The following MYH7B variants were observed in gnomAD, a reference collection of about 807,000 sequenced individuals.
MYH7B encodes the protein myosin heavy chain 7B, also known as myosin-7B.
In MYH7B, 205 loss-of-function variants were observed where a neutral mutation model predicts 234.5. That is an observed-to-expected ratio of 0.87 (90% confidence interval 0.78 to 0.98). MYH7B has a LOEUF of 0.98. Among genes scored for constraint, MYH7B ranks in the 50% least tolerant of loss-of-function variants. MYH7B has a pLI of 0.00. For synonymous variants in MYH7B, 1,193 were observed against 1,105.0 expected (o/e 1.08, Z -1.58); for missense variants, 2,652 against 2,633.4 (o/e 1.01, Z -0.15).
Position 35,001,346 on chromosome 20 carries a change from C to T in MYH7B, c.5577C>T (p.Tyr1859=). 3 of 1,607,322 alleles carry T rather than the reference C, an allele frequency of 1.9e-6. No homozygotes were observed. Among genetic ancestry groups the T allele is most frequent in the Non-Finnish European group, 2.5e-6 (3 of 1,177,202 alleles). The change falls in exon 42 of 45, where the codon TAC becomes TAT. Residue 1859 remains tyrosine (Y), a synonymous_variant. Transcript: ENST00000262873. ...AGCGCCGTGTCAAGGAGCTCGCATA[C>T]CAGGTGGGCGACAGGGTCTCCCTGG...
chr20:34,960,274 A>T (rs573887313), intron 2 of MYH7B, among the ~76,000 whole-genome samples: 2 of 152,000 alleles, frequency 1.3e-5, no homozygotes, highest in Admixed American at 6.6e-5. Flanking sequence ...CTTGCTTTGT[A>T]GCCCAGGCTA....
intron 24 of MYH7B, 33 bp from the exon 25 acceptor site, chr20:34,993,069 C>G: frequency 6.3e-7 from 1 of 1,597,892 alleles, no homozygotes; most frequent in Non-Finnish European, 8.6e-7. Flanking sequence ...CATACCCAGC[C>G]CTCTCCTGAC....
chr20:34,986,154 A>T, exon 14 of MYH7B: 1 of 1,600,322 alleles, frequency 6.2e-7, no homozygotes, highest in Non-Finnish European at 8.5e-7. Context: ...CGCAGCTACC[A>T]TGTCTACTAC....
exon 23 of MYH7B, chr20:34,990,782 C>G (rs2082131995): frequency 1.2e-6 from 2 of 1,614,052 alleles, no homozygotes; most frequent in African/African-American, 2.7e-5. Context: ...CCACACAGCC[C>G]CACTTCGTCC....
chr20:34,993,183 G>C lies in MYH7B; in HGVS notation c.2265G>C (p.Ser755=), dbSNP rs372691240. Residue 755 remains serine, a synonymous_variant, in exon 25 of 45, where the codon TCG becomes TCC. Transcript: ENST00000262873. ...AGGCCACAGAGAAACTGCTGGGCTCGCTGGACTTGGATCACACCCAGTACC... is the reference window on the plus strand; with the variant it reads ...AGGCCACAGAGAAACTGCTGGGCTCCCTGGACTTGGATCACACCCAGTACC... 1.9e-6 allele frequency: 3 copies of C among 1,613,882 alleles called. No individual in the cohort carries two copies. The African/African-American group carries it at 4.0e-5, about 22-fold the overall frequency.
At chr20:34,986,522 T>C (rs1343125264) in intron 14 of MYH7B, among the ~76,000 whole-genome samples, 1 of 152,214 alleles carries the variant, frequency 6.6e-6, no homozygotes, top group Non-Finnish European at 1.5e-5. Context: ...GCAAGCCCGT[T>C]GAGGGCAGAG....
chr20:34,959,751 A>G (rs2081675055), intron 2 of MYH7B, among the ~76,000 whole-genome samples: 1 of 152,142 alleles, frequency 6.6e-6, no homozygotes. Context: ...TGCTGGGATT[A>G]CAGGTGTGAG....
Position 34,998,905 on chromosome 20 carries a change from G to T in MYH7B, c.4180G>T (p.Glu1394Ter), listed in dbSNP as rs780347774. Residue 1394 changes from glutamate to a stop codon, truncating the protein, a stop_gained, in exon 35 of 45, where the codon GAG becomes TAG. Transcript: ENST00000262873. LOFTEE classifies it high-confidence loss of function. Reference sequence around the variant, plus strand: ...TGCCATCCAGAGGACCGAGGAGCTGGAGGAGGCCAAGTGAGTGCTTTGCTG... The same window carrying T: ...TGCCATCCAGAGGACCGAGGAGCTGTAGGAGGCCAAGTGAGTGCTTTGCTG... 6.2e-7 allele frequency: 1 copy of T among 1,612,234 alleles called. No individual in the cohort carries two copies. The highest frequency in any genetic ancestry group is 1.3e-5 in the African/African-American group (1 of 74,948).
In MYH7B at chr20:35,000,824, CG is replaced by C; in HGVS notation, c.5239del (p.Glu1747ArgfsTer25). The C allele has an allele frequency of 6.2e-7, 1 of 1,613,606 alleles. No individual in the cohort carries two copies. Among genetic ancestry groups the C allele is most frequent in the Non-Finnish European group, 8.5e-7 (1 of 1,179,870 alleles). Reference sequence around the variant, plus strand: ...TGGAGGCGGACTTGGCCCAGCTGAGCGGGGAGGTGGAGGAGGCTGCACAGGA... The same window carrying C: ...TGGAGGCGGACTTGGCCCAGCTGAGCGGGAGGTGGAGGAGGCTGCACAGGA... On this transcript the variant is annotated frameshift_variant, in exon 40 of 45. Coordinates refer to ENST00000262873, the Ensembl canonical transcript of MYH7B. LOFTEE classifies it high-confidence loss of function.
At chr20:34,989,950 C>T in intron 20 of MYH7B, 31 bp downstream of exon 20, 1 of 1,612,710 alleles carries the variant, frequency 6.2e-7, no homozygotes, top group Non-Finnish European at 8.5e-7. Flanking sequence ...CAGCCCTCGG[C>T]CAGGCTCCTC....
rs1372490303 is a variant in MYH7B at position 34,979,727 on chromosome 20, A to G, written c.265A>G (p.Met89Val). 8 of 1,614,040 alleles carry G rather than the reference A, an allele frequency of 5.0e-6. No homozygotes were observed. Among genetic ancestry groups the G allele is most frequent in the Non-Finnish European group, 6.8e-6 (8 of 1,180,028 alleles). ...GCCTCGCTTCGACTTACTGGAGGACATGGCCATGATGACGCACCTGAACGA... is the reference window on the plus strand; with the variant it reads ...GCCTCGCTTCGACTTACTGGAGGACGTGGCCATGATGACGCACCTGAACGA... The change falls in exon 7 of 45, where the codon ATG becomes GTG. Residue 89 changes from methionine to valine, a missense_variant. Met to Val is a conservative substitution (Grantham distance 21, BLOSUM62 1). Transcript: ENST00000262873.
intron 23 of MYH7B, 72 bp downstream of exon 23, chr20:34,990,897 G>A: frequency 6.3e-7 from 1 of 1,584,264 alleles, no homozygotes; most frequent in Non-Finnish European, 8.7e-7. Flanking sequence ...AGGCCGGGAG[G>A]CTGAGTACAT....
intron 2 of MYH7B, among the ~76,000 whole-genome samples, chr20:34,969,701 G>A (rs934809351): frequency 1.3e-5 from 2 of 151,940 alleles, no homozygotes; most frequent in African/African-American, 4.8e-5. Flanking sequence ...CTGCCACCAT[G>A]CCCAGCTAGT....
exon 41 of MYH7B, chr20:35,001,023 G>A: frequency 6.2e-7 from 1 of 1,613,884 alleles, no homozygotes; most frequent in South Asian, 1.1e-5. Context: ...AGAAGGAGCA[G>A]GACACAAGTG....
exon 41 of MYH7B, chr20:35,001,036 C>T (rs1294849290): frequency 1.9e-6 from 3 of 1,613,856 alleles, no homozygotes. Context: ...CACAAGTGCA[C>T]ACCTGGAACG....
chr20:34,957,775 C>G (rs1372293972), intron 1 of MYH7B, among the ~76,000 whole-genome samples: 1 of 152,224 alleles, frequency 6.6e-6, no homozygotes, highest in Non-Finnish European at 1.5e-5. Context: ...CAGGCGTTAG[C>G]CACTGCGCCC....
exon 21 of MYH7B, chr20:34,990,055 T>C: frequency 1.2e-6 from 2 of 1,614,110 alleles, no homozygotes; most frequent in Non-Finnish European, 8.5e-7. Flanking sequence ...AAAACAAGGA[T>C]CCCCTGAATG....
At position 35,000,295 on chromosome 20, in the gene MYH7B, G is replaced by A. The variant is rs770125496; in HGVS notation, c.4784G>A (p.Arg1595His). The A allele has an allele frequency of 7.0e-6, 11 of 1,570,844 alleles. No homozygotes were observed. Among genetic ancestry groups the A allele is most frequent in the African/African-American group, 2.7e-5 (2 of 74,252 alleles). Residue 1595 changes from arginine (R) to histidine (H), a missense_variant and splice_region_variant, in exon 39 of 45, where the codon CGC becomes CAC. Arg to His is a conservative substitution (Grantham distance 29). Around this residue, in one of 3 missense-constraint regions of MYH7B, gnomAD observed 2,279 missense variants for 2,211.4 expected, o/e 1.03. Transcript: ENST00000262873. Reference sequence around the variant, plus strand: ...TTCATGCCACCCTCCTCCCATAGGCGCAACCACCAGCGAGCTGTGGAGTCC... The same window carrying A: ...TTCATGCCACCCTCCTCCCATAGGCACAACCACCAGCGAGCTGTGGAGTCC...
chr20:34,992,956 T>C, intron 24 of MYH7B, 146 bp from the exon 25 acceptor site: 1 of 996,558 alleles, frequency 1.0e-6, no homozygotes, highest in Non-Finnish European at 1.5e-6. Context: ...TGTGCCCTGC[T>C]GGAACCTCTG....
Sources: gnomAD v4.1 joint callset for allele counts (sites outside exome capture counted in the v4.1 genomes callset) on GRCh38, gnomAD v4.1.1 for gene constraint, gnomAD v4.1.1 regional missense constraint, MANE v1.5 for transcripts, NCBI Gene and HGNC (gene_info 2026-07-23, HGNC 2026-07-21) for gene names.